EVC2: variants seen among roughly 807,000 people sequenced by gnomAD.
EVC2 encodes the protein limbin.
A neutral mutation model predicts 149.3 loss-of-function variants in EVC2; 148 were observed. The ratio of observed to expected loss-of-function variants is 0.99; its 90% CI spans 0.87 to 1.14. The LOEUF (loss-of-function observed/expected upper bound fraction) is 1.14. EVC2 is among the 50% of genes most tolerant of loss of function. The pLI is 0.00. For synonymous variants in EVC2, 776 were observed against 649.9 expected (o/e 1.19, Z -2.95); for missense variants, 1,854 against 1,627.3 (o/e 1.14, Z -2.40).
At chr4:5,603,726 G>A (rs948804412) in intron 16 of EVC2, among the ~76,000 whole-genome samples, 1 of 152,196 alleles carries the variant, frequency 6.6e-6, no homozygotes, top group Non-Finnish European at 1.5e-5. Context: ...TAGTGGATGG[G>A]TGAAGAGATA....
chr4:5,708,270 G>T lies in EVC2; in HGVS notation c.228+16C>A. 1 of 1,475,808 alleles carries T rather than the reference G, an allele frequency of 6.8e-7. No homozygotes were observed. Among genetic ancestry groups the T allele is most frequent in the Non-Finnish European group, 8.9e-7 (1 of 1,119,144 alleles). The allele number at this position is 1,475,808 out of a possible 1,614,324, so 91.4% of individuals were successfully genotyped here. On this transcript the variant is annotated intron_variant, in intron 1 of 21. Transcript: ENST00000344408. ...CACTACAGTCAGACCGGAGCCTGGG[G>T]TCGGGCCCTCCTTACCTGCGTGCTG...
chr4:5,616,596 C>T (rs1170469407), intron 15 of EVC2, among the ~76,000 whole-genome samples: 2 of 152,210 alleles, frequency 1.3e-5, no homozygotes, highest in Non-Finnish European at 2.9e-5. Context: ...CCTCATTACA[C>T]CCATTTTACA....
At chr4:5,595,337 A>G (rs1292033609) in intron 16 of EVC2, among the ~76,000 whole-genome samples, 2 of 152,226 alleles carry the variant, frequency 1.3e-5, no homozygotes, top group African/African-American at 4.8e-5. Flanking sequence ...GGTTACCCTC[A>G]AAGGGAAGCC....
In EVC2 at chr4:5,708,300, C is replaced by A; in HGVS notation, c.214G>T (p.Glu72Ter). 6.8e-7 allele frequency: 1 copy of A among 1,471,254 alleles called. No homozygotes were observed. Among genetic ancestry groups the A allele is most frequent in the South Asian group, 1.3e-5 (1 of 75,660 alleles). The allele number at this position is 1,471,254 out of a possible 1,614,324, so 91.1% of individuals were successfully genotyped here. A position where few individuals can be genotyped will look rare whatever the true frequency, so the allele number is the denominator to read the frequency against. Residue 72 changes from glutamate to a stop codon, truncating the protein, a stop_gained, in exon 1 of 22, where the codon GAG becomes TAG. Transcript: ENST00000344408. LOFTEE classifies it high-confidence loss of function. ...IPPGRSGAGP[E>*]SSTQDLPCMI... is the part of the protein sequence containing the mutation. ...GCCCTCCTTACCTGCGTGCTGCTCT[C>A]GGGCCCCGCCCCGCTCCGCCCCGGA...
At chr4:5,599,487 C>G (rs948962843) in intron 16 of EVC2, among the ~76,000 whole-genome samples, 2 of 152,004 alleles carry the variant, frequency 1.3e-5, no homozygotes, top group Admixed American at 1.3e-4. Flanking sequence ...AACCAAACAC[C>G]GTATATTCTC....
chr4:5,573,688 G>C (rs943670925), intron 19 of EVC2, among the ~76,000 whole-genome samples: 1 of 152,188 alleles, frequency 6.6e-6, no homozygotes, highest in African/African-American at 2.4e-5. Context: ...TGCTGTTTGT[G>C]GTCATTTGTG....
chr4:5,639,040 G>A (rs1448102622), intron 10 of EVC2, among the ~76,000 whole-genome samples: 1 of 152,164 alleles, frequency 6.6e-6, no homozygotes, highest in Non-Finnish European at 1.5e-5. Context: ...GGCAAGGGAG[G>A]CCCCAGGAGC....
chr4:5,619,529 T>C (rs1715526357), intron 14 of EVC2, among the ~76,000 whole-genome samples: 4 of 152,170 alleles, frequency 2.6e-5, no homozygotes, highest in African/African-American at 9.7e-5. Flanking sequence ...GGGAGCATGG[T>C]TCTGCCAATG....
intron 7 of EVC2, among the ~76,000 whole-genome samples, chr4:5,674,050 C>T (rs528751189): frequency 6.1e-5 from 9 of 148,408 alleles, no homozygotes; most frequent in Admixed American, 3.4e-4. Context: ...ATGTTTCCTC[C>T]GGAACAGTCT....
At chr4:5,688,716 A>G (rs886184531) in intron 5 of EVC2, among the ~76,000 whole-genome samples, 1 of 152,104 alleles carries the variant, frequency 6.6e-6, no homozygotes, top group African/African-American at 2.4e-5. Flanking sequence ...GCTCAAGAAC[A>G]TGCTACTGAG....
intron 7 of EVC2, among the ~76,000 whole-genome samples, chr4:5,674,533 C>A (rs1193658443): frequency 6.6e-6 from 1 of 152,152 alleles, no homozygotes; most frequent in African/African-American, 2.4e-5. Flanking sequence ...AATAAATGAT[C>A]CAATGCATAG....
rs77300709 is a variant in EVC2, at chr4:5,642,956, C to T, written c.1146-2118G>A. On this transcript the variant is annotated intron_variant, in intron 9 of 21. Coordinates refer to ENST00000344408, the MANE Select transcript of EVC2 (RefSeq NM_147127.5). ...TCAGATCTGTCATTTTACCCATGAA[C>T]ACCTCACTGAGCATCTTTAACTGTC... 7.9e-4 allele frequency among the ~76,000 whole-genome samples: 120 copies of T among 152,282 alleles called. 1 individual carries two copies. In the East Asian group the frequency reaches 0.021, roughly 26 times the overall value.
chr4:5,602,922 T>A (rs1003654814), intron 16 of EVC2, among the ~76,000 whole-genome samples: 1 of 152,120 alleles, frequency 6.6e-6, no homozygotes, highest in African/African-American at 2.4e-5. Context: ...AGCTAAACAG[T>A]TAGAAGCTGT....
intron 9 of EVC2, among the ~76,000 whole-genome samples, chr4:5,650,616 TATATATATATATATATATATATAGAG>T (rs1284107720): frequency 2.0e-4 from 11 of 54,748 alleles, no homozygotes; most frequent in African/African-American, 6.8e-4. Context: ...TATATATATA[TATATATATATATATATATATATAGAG>T]AGAGAGAGAG....
chr4:5,663,899 A>T (rs12502665), intron 8 of EVC2, among the ~76,000 whole-genome samples: 6 of 151,752 alleles, frequency 4.0e-5, no homozygotes, highest in South Asian at 2.1e-4. Context: ...CCATCCTGGG[A>T]GACAGAGTGA....
chr4:5,627,891 C>T (rs28392774), intron 12 of EVC2, among the ~76,000 whole-genome samples: 14,748 of 152,084 alleles, frequency 0.097, 1,389 homozygotes, highest in African/African-American at 0.24. Context: ...AGCCTCATCA[C>T]TGATTTCTCC....
chr4:5,631,417 T>C (rs1013599), intron 11 of EVC2, among the ~76,000 whole-genome samples: 32,426 of 152,050 alleles, frequency 0.21, 4,597 homozygotes, highest in East Asian at 0.62. Flanking sequence ...ATTAAACATA[T>C]GTTATGCCAA....
At position 5,553,221 on chromosome 4, in the gene EVC2, CA is replaced by C. The variant is rs1721773874; in HGVS notation, c.3420-10010del. Among the ~76,000 whole-genome samples the C allele has an allele frequency of 2.0e-5, 3 of 152,094 alleles. No homozygotes were observed. In the South Asian group the frequency reaches 6.2e-4, roughly 32 times the overall value. On this transcript the variant is annotated intron_variant and NMD_transcript_variant, in intron 21 of 22. Transcript: ENST00000475313. ...GGGGAAGCAGGCATGTCTCACATGC[CA>C]GGAGCAGGAGCAAGTGGAGTTGGTG...
chr4:5,575,718 C>A (rs1358296944), intron 18 of EVC2, among the ~76,000 whole-genome samples: 1 of 152,126 alleles, frequency 6.6e-6, no homozygotes, highest in Non-Finnish European at 1.5e-5. Context: ...AATGCCACAG[C>A]CAAGGCTAAG....
Sources: gnomAD v4.1 joint callset for allele counts (sites outside exome capture counted in the v4.1 genomes callset) on GRCh38, gnomAD v4.1.1 for gene constraint, MANE v1.5 for transcripts, NCBI Gene and HGNC (gene_info 2026-07-23, HGNC 2026-07-21) for gene names.